Variants in FHIT observed in about 807,000 individuals in gnomAD.
The protein encoded by FHIT is fragile histidine triad diadenosine triphosphatase.
In FHIT, 19 loss-of-function variants were observed where a neutral mutation model predicts 17.9. The observed-to-expected ratio is 1.06, with a 90% CI of 0.74 to 1.56. The LOEUF (loss-of-function observed/expected upper bound fraction) is 1.56. Among genes scored for constraint, FHIT ranks in the 40% most tolerant of loss-of-function variants. The pLI is 0.00. For missense variants in FHIT, 248 were observed against 189.2 expected, an observed-to-expected ratio of 1.31 and a Z score of -1.82; for synonymous variants, 81 against 69.7, an observed-to-expected ratio of 1.16 and a Z score of -0.81.
intron 4 of FHIT, among the ~76,000 whole-genome samples, chr3:60,579,990 A>G (rs2037700460): frequency 6.6e-6 from 1 of 152,140 alleles, no homozygotes; most frequent in Non-Finnish European, 1.5e-5. Context: ...CCTCCGTGCA[A>G]TAGCAGACGT....
chr3:60,889,436 G>A (rs782718946), intron 3 of FHIT, among the ~76,000 whole-genome samples: 5 of 152,108 alleles, frequency 3.3e-5, no homozygotes, highest in South Asian at 2.1e-4. Flanking sequence ...TTGCGGCACC[G>A]AAACTTTATA....
intron 5 of FHIT, among the ~76,000 whole-genome samples, chr3:60,088,133 G>T (rs1468177778): frequency 1.3e-5 from 2 of 152,144 alleles, no homozygotes; most frequent in Non-Finnish European, 2.9e-5. Flanking sequence ...TGTCAACAAG[G>T]TGCTAGTCTC....
intron 8 of FHIT, among the ~76,000 whole-genome samples, chr3:59,812,135 A>G (rs1053394873): frequency 2.0e-5 from 3 of 152,156 alleles, no homozygotes; most frequent in African/African-American, 7.2e-5. Context: ...TCTAGTGAGC[A>G]GAGACTAGGA....
At chr3:60,920,097 G>A (rs1707204101) in intron 3 of FHIT, among the ~76,000 whole-genome samples, 1 of 151,724 alleles carries the variant, frequency 6.6e-6, no homozygotes, top group Admixed American at 6.6e-5. Context: ...TCACTTCTAT[G>A]TGAGTTTCTT....
At chr3:60,602,938 T>C (rs1464826995) in intron 4 of FHIT, among the ~76,000 whole-genome samples, 4 of 152,194 alleles carry the variant, frequency 2.6e-5, no homozygotes, top group Non-Finnish European at 5.9e-5. Flanking sequence ...TGCCGGTACC[T>C]TGATCTTAGA....
chr3:59,785,465 A>G (rs1702803344), intron 8 of FHIT, among the ~76,000 whole-genome samples: 1 of 152,032 alleles, frequency 6.6e-6, no homozygotes, highest in South Asian at 2.1e-4. Context: ...GTGCATCATC[A>G]TACCCAGCTA....
At chr3:61,219,378 G>T (rs951458389) in intron 1 of FHIT, among the ~76,000 whole-genome samples, 4 of 149,452 alleles carry the variant, frequency 2.7e-5, no homozygotes, top group Non-Finnish European at 6.0e-5. Context: ...TGTGTGTCCT[G>T]GCTATCCAAA....
At chr3:61,207,893 T>G (rs1475634150) in intron 1 of FHIT, among the ~76,000 whole-genome samples, 1 of 152,312 alleles carries the variant, frequency 6.6e-6, no homozygotes, top group African/African-American at 2.4e-5. Flanking sequence ...TCTAGTTCTT[T>G]TAATTGTGAT....
chr3:60,972,351 GA>G (rs1710061224), intron 3 of FHIT, among the ~76,000 whole-genome samples: 1 of 152,088 alleles, frequency 6.6e-6, no homozygotes, highest in African/African-American at 2.4e-5. Flanking sequence ...ATAAAATTCT[GA>G]ATTGGCAATT....
intron 3 of FHIT, among the ~76,000 whole-genome samples, chr3:60,825,262 A>G (rs1448804887): frequency 6.6e-6 from 1 of 152,206 alleles, no homozygotes; most frequent in East Asian, 1.9e-4. Context: ...AGTATAACAA[A>G]ACTTGGAAAT....
chr3:61,090,617 G>A (rs1337711915), intron 2 of FHIT, among the ~76,000 whole-genome samples: 1 of 152,088 alleles, frequency 6.6e-6, no homozygotes, highest in Admixed American at 6.6e-5. Context: ...GCTGTGTTTG[G>A]GAGAAAAAGT....
At chr3:60,730,203 C>T (rs2041999355) in intron 4 of FHIT, 5 of 349,770 alleles carry the variant, frequency 1.4e-5, no homozygotes, top group Middle Eastern at 8.3e-4. Context: ...CCCAGATTTT[C>T]GTGTATTCCT....
At chr3:61,049,764 A>G (rs541718215) in intron 2 of FHIT, among the ~76,000 whole-genome samples, 1 of 152,332 alleles carries the variant, frequency 6.6e-6, no homozygotes, top group South Asian at 2.1e-4. Flanking sequence ...AAAACAGCAG[A>G]AGCGGGAAGG....
At chr3:60,274,000 T>C (rs1489197553) in intron 5 of FHIT, among the ~76,000 whole-genome samples, 1 of 152,178 alleles carries the variant, frequency 6.6e-6, no homozygotes, top group African/African-American at 2.4e-5. Flanking sequence ...AGAACACAAC[T>C]ATGACAAATT....
rs948680112 is a variant in FHIT, at chr3:60,095,417, G to A, written c.104-81265C>T. Among the ~76,000 whole-genome samples the A allele has an allele frequency of 3.3e-5, 5 of 152,146 alleles. 1 individual carries two copies. Among genetic ancestry groups the A allele is most frequent in the East Asian group, 3.9e-4 (2 of 5,172 alleles). On this transcript the variant is annotated intron_variant, in intron 5 of 9. Coordinates refer to ENST00000492590, the MANE Select transcript of FHIT (RefSeq NM_002012.4). ...CAATTGCTTCTCTCATTTCCCTCCC[G>A]TGTACATTTCAGAGAAAATTGGAGA...
intron 5 of FHIT, among the ~76,000 whole-genome samples, chr3:60,176,635 A>G (rs1701685954): frequency 6.6e-6 from 1 of 152,212 alleles, no homozygotes; most frequent in Admixed American, 6.5e-5. Context: ...AACACAAGTC[A>G]GGTAAGTAAA....
At chr3:60,009,670 C>A (rs1291079947) in intron 7 of FHIT, among the ~76,000 whole-genome samples, 1 of 152,110 alleles carries the variant, frequency 6.6e-6, no homozygotes, top group South Asian at 2.1e-4. Flanking sequence ...ATAAAATTCA[C>A]CATTTTAAAA....
intron 5 of FHIT, among the ~76,000 whole-genome samples, chr3:60,076,651 C>A (rs1358736722): frequency 2.0e-5 from 3 of 151,994 alleles, no homozygotes; most frequent in Non-Finnish European, 4.4e-5. Flanking sequence ...ATTATCATGT[C>A]ACCTAACAGA....
At chr3:60,519,691 ATCTG>A (rs1408271298) in intron 5 of FHIT, among the ~76,000 whole-genome samples, 3 of 152,214 alleles carry the variant, frequency 2.0e-5, no homozygotes, top group African/African-American at 7.2e-5. Context: ...AAGATGAATC[ATCTG>A]TCTAAAACTG....
Sources: gnomAD v4.1 joint callset for allele counts (sites outside exome capture counted in the v4.1 genomes callset) on GRCh38, gnomAD v4.1.1 for gene constraint, MANE v1.5 for transcripts, NCBI Gene and HGNC (gene_info 2026-07-23, HGNC 2026-07-21) for gene names.